Variants in PPARGC1B observed in about 807,000 individuals in gnomAD.
PPARGC1B encodes peroxisome proliferator-activated receptor gamma coactivator 1-beta.
Under a neutral mutation model 101.6 loss-of-function variants are expected in PPARGC1B, and 34 were observed. That is an observed-to-expected ratio of 0.33 (90% CI 0.25 to 0.45). The LOEUF (loss-of-function observed/expected upper bound fraction) is 0.45. PPARGC1B is among the 20% of genes least tolerant of loss of function. The pLI, the probability that PPARGC1B is intolerant of heterozygous loss-of-function variation, is 1.00. For synonymous variants in PPARGC1B, 548 were observed against 539.3 expected, an observed-to-expected ratio of 1.02 and a Z score of -0.22; for missense variants, 1,234 against 1,317.6, an observed-to-expected ratio of 0.94 and a Z score of 0.98.
At chr5:149,732,102 G>A (rs1048514809) in intron 1 of PPARGC1B, among the ~76,000 whole-genome samples, 1 of 151,998 alleles carries the variant, frequency 6.6e-6, no homozygotes, top group East Asian at 1.9e-4. Flanking sequence ...CGCCGGGCGC[G>A]TACCTTTACC....
At chr5:149,787,598 T>C (rs1316547680) in intron 1 of PPARGC1B, among the ~76,000 whole-genome samples, 2 of 152,132 alleles carry the variant, frequency 1.3e-5, no homozygotes, top group Middle Eastern at 3.2e-3. Flanking sequence ...AAAAGTAAGG[T>C]TGTGGGGCCA....
chr5:149,809,687 TAAAAAA>T lies in PPARGC1B; in HGVS notation c.79-10724_79-10719del, dbSNP rs35168335. On this transcript the variant is annotated intron_variant, in intron 1 of 11. Transcript: ENST00000309241. ...CGGGCGACAGAGTGAGATCCTTTCT[TAAAAAA>T]AAAAAAAAAAAAAAAAAAAAATTAA... Among the ~76,000 whole-genome samples the T allele has an allele frequency of 3.5e-3, 383 of 109,210 alleles. 3 individuals carry two copies. The highest frequency in any genetic ancestry group is 0.012 in the African/African-American group (351 of 28,712). 71.6% of individuals were successfully genotyped at this position (109,210 alleles called of 152,430 possible).
At chr5:149,816,684 G>A (rs1758066442) in intron 1 of PPARGC1B, among the ~76,000 whole-genome samples, 1 of 152,224 alleles carries the variant, frequency 6.6e-6, no homozygotes, top group Non-Finnish European at 1.5e-5. Flanking sequence ...TACAAAGGTG[G>A]CTGCTCTGAG....
At chr5:149,794,541 C>T (rs1757138691) in intron 1 of PPARGC1B, among the ~76,000 whole-genome samples, 1 of 143,298 alleles carries the variant, frequency 7.0e-6, no homozygotes, top group South Asian at 2.2e-4. Context: ...CACACACACA[C>T]ACACACACAC....
chr5:149,822,605 A>G (rs32585), intron 2 of PPARGC1B, among the ~76,000 whole-genome samples: 26,090 of 152,222 alleles, frequency 0.17, 2,579 homozygotes, highest in African/African-American at 0.25. Flanking sequence ...AGGGCTTAAC[A>G]GTCATCCACT....
intron 3 of PPARGC1B, among the ~76,000 whole-genome samples, chr5:149,827,593 C>A (rs11745113): frequency 0.042 from 6,360 of 152,294 alleles, 186 homozygotes; most frequent in East Asian, 0.15. Flanking sequence ...TGGACAAATT[C>A]TTAAAAATGA....
At chr5:149,738,636 T>G (rs1754809313) in intron 1 of PPARGC1B, among the ~76,000 whole-genome samples, 1 of 151,492 alleles carries the variant, frequency 6.6e-6, no homozygotes, top group African/African-American at 2.4e-5. Flanking sequence ...GGCGTCTCAC[T>G]CTGTCGCCCA....
At chr5:149,744,444 G>C (rs1431766854) in intron 1 of PPARGC1B, among the ~76,000 whole-genome samples, 3 of 152,178 alleles carry the variant, frequency 2.0e-5, no homozygotes, top group Non-Finnish European at 4.4e-5. Flanking sequence ...CTGCACACCT[G>C]TCTTGTTCCT....
At chr5:149,743,984 A>T (rs1473718263) in intron 1 of PPARGC1B, among the ~76,000 whole-genome samples, 1 of 151,952 alleles carries the variant, frequency 6.6e-6, no homozygotes, top group Non-Finnish European at 1.5e-5. Flanking sequence ...TTCCCGGGGG[A>T]TTGAAACCAG....
At chr5:149,755,073 A>ATATATATATATATATATATATATATATAT (rs1341785126) in intron 1 of PPARGC1B, among the ~76,000 whole-genome samples, 8 of 142,936 alleles carry the variant, frequency 5.6e-5, no homozygotes, top group African/African-American at 1.9e-4. Flanking sequence ...ATATATATAT[A>ATATATATATATATATATATATATATATAT]ATTTTTTTTT....
At chr5:149,856,987 G>T (rs1278442061), downstream of PPARGC1B, among the ~76,000 whole-genome samples, 1 of 151,930 alleles carries the variant, frequency 6.6e-6, no homozygotes, top group Non-Finnish European at 1.5e-5. Context: ...CGCCAGACTG[G>T]TCTCAAACTC....
chr5:149,732,707 C>T (rs1180074949), intron 1 of PPARGC1B: 4 of 436,690 alleles, frequency 9.2e-6, no homozygotes, highest in Non-Finnish European at 1.9e-5. Flanking sequence ...AGAGCCCAGC[C>T]GGAAGAGGAC....
chr5:149,779,134 C>A (rs1240307294), intron 1 of PPARGC1B, among the ~76,000 whole-genome samples: 1 of 152,206 alleles, frequency 6.6e-6, no homozygotes, highest in Admixed American at 6.5e-5. Context: ...CAGCCAGACT[C>A]TGAATCTGAG....
chr5:149,827,433 GCT>G (rs1260154501), intron 3 of PPARGC1B, among the ~76,000 whole-genome samples: 1 of 152,250 alleles, frequency 6.6e-6, no homozygotes, highest in African/African-American at 2.4e-5. Flanking sequence ...AGCACGTAGA[GCT>G]CTGTTTCATT....
At chr5:149,823,868 C>T (rs750366222) in intron 2 of PPARGC1B, among the ~76,000 whole-genome samples, 4 of 152,138 alleles carry the variant, frequency 2.6e-5, no homozygotes, top group Admixed American at 2.6e-4. Flanking sequence ...ATTTCAGCAC[C>T]GTGACCGGCA....
intron 1 of PPARGC1B, among the ~76,000 whole-genome samples, chr5:149,787,544 G>A (rs1235031213): frequency 2.0e-5 from 3 of 152,252 alleles, no homozygotes; most frequent in African/African-American, 2.4e-5. Context: ...ACCTGCTGAT[G>A]TAAAATTAGC....
chr5:149,774,586 CATTT>C (rs1406971446), intron 1 of PPARGC1B, among the ~76,000 whole-genome samples: 2 of 151,770 alleles, frequency 1.3e-5, no homozygotes, highest in East Asian at 3.9e-4. Flanking sequence ...GACATTCATT[CATTT>C]GTTCATTCAT....
chr5:149,734,120 C>T (rs373977530), intron 1 of PPARGC1B, among the ~76,000 whole-genome samples: 1 of 151,542 alleles, frequency 6.6e-6, no homozygotes, highest in Non-Finnish European at 1.5e-5. Context: ...TCAGGAGTTC[C>T]GGACCAGCCT....
At chr5:149,787,894 C>G (rs1217383179) in intron 1 of PPARGC1B, among the ~76,000 whole-genome samples, 1 of 152,184 alleles carries the variant, frequency 6.6e-6, no homozygotes, top group East Asian at 1.9e-4. Context: ...AAAACTGGAT[C>G]CCTTCCTTAC....
Sources: allele counts gnomAD v4.1 joint callset (sites outside exome capture counted in the v4.1 genomes callset), GRCh38; gene constraint gnomAD v4.1.1; transcripts MANE v1.5; gene names NCBI Gene and HGNC (gene_info 2026-07-23, HGNC 2026-07-21).